The following CPQ variants were observed in gnomAD, a reference collection of about 807,000 sequenced individuals.
CPQ encodes the protein carboxypeptidase Q, also known as Ser-Met dipeptidase.
CPQ carries 37 observed loss-of-function variants against 45.7 expected under a neutral mutation model. The ratio of observed to expected loss-of-function variants is 0.81; its 90% CI spans 0.62 to 1.07. The LOEUF is 1.07. CPQ is among the 50% of genes least tolerant of loss of function. The pLI is 0.00. For missense variants in CPQ, 537 were observed against 572.9 expected, an observed-to-expected ratio of 0.94 and a Z score of 0.64; for synonymous variants, 186 against 205.8, an observed-to-expected ratio of 0.90 and a Z score of 0.82.
intron 7 of CPQ, among the ~76,000 whole-genome samples, chr8:97,107,043 G>A (rs1178614538): frequency 6.6e-6 from 1 of 152,178 alleles, no homozygotes; most frequent in Non-Finnish European, 1.5e-5. Context: ...GGAAAGAACA[G>A]AAGGGAAGGA....
At chr8:96,820,112 C>A (rs1811281158) in intron 2 of CPQ, among the ~76,000 whole-genome samples, 1 of 152,038 alleles carries the variant, frequency 6.6e-6, no homozygotes. Context: ...TTTTTCCTCA[C>A]AGATTGATGT....
intron 7 of CPQ, among the ~76,000 whole-genome samples, chr8:97,091,912 G>A (rs779622291): frequency 7.2e-5 from 11 of 151,972 alleles, no homozygotes; most frequent in Admixed American, 6.6e-5. Context: ...GGATGAAAAT[G>A]TCATGCTCAT....
chr8:96,978,888 G>A (rs575912663), intron 5 of CPQ, among the ~76,000 whole-genome samples: 1 of 152,206 alleles, frequency 6.6e-6, no homozygotes, highest in African/African-American at 2.4e-5. Context: ...TGGCTCACAA[G>A]GAGACGTCTT....
chr8:96,832,340 G>A (rs924443791), intron 2 of CPQ, among the ~76,000 whole-genome samples: 1 of 152,114 alleles, frequency 6.6e-6, no homozygotes, highest in African/African-American at 2.4e-5. Context: ...ATGGGAGAAG[G>A]GCTATCAAAC....
chr8:97,103,350 G>C (rs563395795), intron 7 of CPQ, among the ~76,000 whole-genome samples: 1 of 152,180 alleles, frequency 6.6e-6, no homozygotes, highest in African/African-American at 2.4e-5. Flanking sequence ...AGTGGTGACT[G>C]TGAACCTTGA....
chr8:96,798,125 C>T (rs1810960069), intron 2 of CPQ, among the ~76,000 whole-genome samples: 1 of 151,476 alleles, frequency 6.6e-6, no homozygotes, highest in African/African-American at 2.4e-5. Context: ...GTATGCTTCT[C>T]TTTCCTAGGC....
At chr8:96,834,952 T>C (rs1198177766) in intron 2 of CPQ, 21 bp from the exon 3 acceptor site, 1 of 1,606,796 alleles carries the variant, frequency 6.2e-7, no homozygotes, top group Admixed American at 1.7e-5. Flanking sequence ...TAAGTTAATC[T>C]TGCATGACTT....
rs1280125245 is a variant in CPQ at position 97,122,922 on chromosome 8, TAAAATAAATAAAATAAAATA to T, written c.1256-20094_1256-20075del. Among the ~76,000 whole-genome samples, 107 of 52,766 alleles carry T rather than the reference TAAAATAAATAAAATAAAATA, an allele frequency of 2.0e-3. 14 individuals carry two copies. The highest frequency in any genetic ancestry group is 0.013 in the African/African-American group (101 of 7,556). The allele number at this position is 52,766 out of a possible 152,430, so 34.6% of individuals were successfully genotyped here. A position where few individuals can be genotyped will look rare whatever the true frequency, so the allele number is the denominator to read the frequency against. On this transcript the variant is annotated intron_variant, in intron 7 of 7. Transcript: ENST00000220763. The stretch of plus-strand genomic sequence containing the variant: ...TAAAATAAAATAAAATAAAATAAAA[TAAAATAAATAAAATAAAATA>T]AAATAAAATAAAATAAAATAAAATA...
At chr8:96,839,376 C>T (rs1166526469) in intron 3 of CPQ, among the ~76,000 whole-genome samples, 1 of 152,076 alleles carries the variant, frequency 6.6e-6, no homozygotes, top group East Asian at 1.9e-4. Context: ...GAGATATTCC[C>T]TTTATTAATG....
At chr8:96,842,600 C>A (rs1811627467) in intron 3 of CPQ, among the ~76,000 whole-genome samples, 1 of 152,196 alleles carries the variant, frequency 6.6e-6, no homozygotes, top group Non-Finnish European at 1.5e-5. Context: ...CTTTCTTTTC[C>A]CCCTTTCTGA....
intron 4 of CPQ, among the ~76,000 whole-genome samples, chr8:96,900,051 A>T (rs76855747): frequency 6.6e-6 from 1 of 151,858 alleles, no homozygotes; most frequent in African/African-American, 2.4e-5. Flanking sequence ...GACTAACAGA[A>T]CTCTCTTGTT....
chr8:97,140,854 T>C (rs1812147068), intron 7 of CPQ, among the ~76,000 whole-genome samples: 1 of 151,978 alleles, frequency 6.6e-6, no homozygotes, highest in African/African-American at 2.4e-5. Flanking sequence ...GTTGCAGAGA[T>C]AGACAAATAG....
intron 1 of CPQ, among the ~76,000 whole-genome samples, chr8:96,648,259 C>T (rs1370795642): frequency 1.3e-5 from 2 of 152,070 alleles, no homozygotes; most frequent in East Asian, 1.9e-4. Flanking sequence ...CTTTCTGCCC[C>T]GAAGGCTGGT....
chr8:97,022,583 A>T (rs1488001386), intron 5 of CPQ, among the ~76,000 whole-genome samples: 2 of 152,234 alleles, frequency 1.3e-5, no homozygotes, highest in Non-Finnish European at 2.9e-5. Flanking sequence ...TGAATAGACA[A>T]TTCTCAAAAG....
At chr8:97,075,441 T>A (rs1337386066) in intron 7 of CPQ, among the ~76,000 whole-genome samples, 1 of 152,196 alleles carries the variant, frequency 6.6e-6, no homozygotes, top group African/African-American at 2.4e-5. Flanking sequence ...ACAGTGTATA[T>A]AAATTATGGA....
intron 1 of CPQ, among the ~76,000 whole-genome samples, chr8:96,740,082 T>G (rs1432799558): frequency 6.6e-6 from 1 of 152,110 alleles, no homozygotes; most frequent in African/African-American, 2.4e-5. Context: ...TATTGATTCT[T>G]CCTACCCATG....
chr8:97,113,622 G>A (rs924990443), intron 7 of CPQ, among the ~76,000 whole-genome samples: 1 of 152,124 alleles, frequency 6.6e-6, no homozygotes, highest in African/African-American at 2.4e-5. Flanking sequence ...CCAGTTGAGG[G>A]TGGCTAAGGG....
chr8:96,870,363 G>GAT (rs1812051275), intron 3 of CPQ, among the ~76,000 whole-genome samples: 1 of 151,872 alleles, frequency 6.6e-6, no homozygotes, highest in Non-Finnish European at 1.5e-5. Context: ...TCTCAGAATT[G>GAT]ATATACAGAT....
Position 96,942,980 on chromosome 8 carries a change from A to C in CPQ, c.850-22955A>C, listed in dbSNP as rs377600571. ...ACATTCCTATGATGTACTTATAGCT[A>C]ATCTAGTTGAGCTCCATTTGAGAGG... On this transcript the variant is annotated intron_variant, in intron 4 of 7. Transcript: ENST00000220763. Among the ~76,000 whole-genome samples, 3 of 152,148 alleles carry C rather than the reference A, an allele frequency of 2.0e-5. No individual in the cohort carries two copies. In the South Asian group the frequency reaches 6.2e-4, roughly 32 times the overall value.
Sources: gnomAD v4.1 joint callset for allele counts (sites outside exome capture counted in the v4.1 genomes callset) on GRCh38, gnomAD v4.1.1 for gene constraint, MANE v1.5 for transcripts, NCBI Gene and HGNC (gene_info 2026-07-23, HGNC 2026-07-21) for gene names.